The following PTPRD variants were observed in gnomAD, a reference collection of about 807,000 sequenced individuals.
The protein encoded by PTPRD is protein tyrosine phosphatase receptor type D, also known as receptor-type tyrosine-protein phosphatase delta.
PTPRD carries 34 observed loss-of-function variants against 214.5 expected under a neutral mutation model. The ratio of observed to expected loss-of-function variants is 0.16; its 90% CI spans 0.12 to 0.21. The LOEUF is 0.21. PTPRD is among the 10% of genes least tolerant of loss of function. The pLI, the probability that PTPRD is intolerant of heterozygous loss-of-function variation, is 1.00. For missense variants in PTPRD, 2,545 were observed against 2,398.7 expected, an observed-to-expected ratio of 1.06 and a Z score of -1.27; for synonymous variants, 1,128 against 845.7, an observed-to-expected ratio of 1.33 and a Z score of -5.79.
At chr9:9,826,021 T>C (rs1000650993) in intron 5 of PTPRD, among the ~76,000 whole-genome samples, 1 of 151,790 alleles carries the variant, frequency 6.6e-6, no homozygotes, top group Non-Finnish European at 1.5e-5. Flanking sequence ...AGCAGGAAAT[T>C]ATTCATGATC....
rs750547585 is a variant in PTPRD, at chr9:9,980,608, C to CAAAAAAA, written c.-471-42005_-471-41999dup. 1.2e-3 allele frequency among the ~76,000 whole-genome samples: 13 copies of CAAAAAAA among 11,290 alleles called. 4 individuals carry two copies. The highest frequency in any genetic ancestry group is 2.9e-3 in the African/African-American group (8 of 2,782). The allele number at this position is 11,290 out of a possible 152,430, so 7.4% of individuals were successfully genotyped here. ...TGGGTAACAGAGTGAGACACCTTGT[C>CAAAAAAA]AAAAAAAAACAAAAAAAAAAAAAAA... On this transcript the variant is annotated intron_variant, in intron 4 of 45. Coordinates refer to ENST00000381196, the MANE Select transcript of PTPRD (RefSeq NM_002839.4).
chr9:10,316,123 A>C (rs1853454), intron 3 of PTPRD, among the ~76,000 whole-genome samples: 4,514 of 148,096 alleles, frequency 0.03, 279 homozygotes, highest in Admixed American at 0.16. Flanking sequence ...CTATATATAT[A>C]TATATACATA....
At chr9:8,833,058 G>A (rs545211756) in intron 11 of PTPRD, among the ~76,000 whole-genome samples, 10 of 151,960 alleles carry the variant, frequency 6.6e-5, no homozygotes, top group Middle Eastern at 3.4e-3. Context: ...TTCTGTGTGC[G>A]ACCCAGAAAT....
intron 11 of PTPRD, among the ~76,000 whole-genome samples, chr9:8,885,301 C>A (rs919569558): frequency 3.9e-5 from 6 of 151,958 alleles, no homozygotes; most frequent in African/African-American, 1.4e-4. Context: ...TTTCCTGGGA[C>A]TAAGGGGTTT....
chr9:9,202,846 T>A (rs925190578), intron 9 of PTPRD, among the ~76,000 whole-genome samples: 3 of 152,142 alleles, frequency 2.0e-5, no homozygotes, highest in Non-Finnish European at 4.4e-5. Context: ...TACTTAAGAG[T>A]GCTTTTCTAA....
At chr9:9,069,648 T>C (rs1016107949) in intron 10 of PTPRD, among the ~76,000 whole-genome samples, 14 of 152,234 alleles carry the variant, frequency 9.2e-5, no homozygotes, top group Admixed American at 5.9e-4. Flanking sequence ...ATTTAGTTTC[T>C]TGTAGTGACC....
At chr9:8,719,020 T>C (rs968690521) in intron 12 of PTPRD, among the ~76,000 whole-genome samples, 3 of 152,196 alleles carry the variant, frequency 2.0e-5, no homozygotes, top group Admixed American at 1.3e-4. Flanking sequence ...TTTATTTGCC[T>C]TTATGAAACC....
intron 14 of PTPRD, among the ~76,000 whole-genome samples, chr9:8,534,601 C>A (rs760043713): frequency 6.7e-6 from 1 of 148,520 alleles, no homozygotes; most frequent in Non-Finnish European, 1.5e-5. Flanking sequence ...TAATATGCAG[C>A]GTATTTTTAA....
chr9:10,422,615 A>C (rs1045327275), intron 2 of PTPRD, among the ~76,000 whole-genome samples: 4 of 152,030 alleles, frequency 2.6e-5, no homozygotes, highest in East Asian at 1.9e-4. Flanking sequence ...AAGAAAAAAA[A>C]CAAACAACCC....
At chr9:10,068,264 G>T (rs2097919937) in intron 3 of PTPRD, among the ~76,000 whole-genome samples, 1 of 151,824 alleles carries the variant, frequency 6.6e-6, no homozygotes, top group Non-Finnish European at 1.5e-5. Flanking sequence ...ATGTGGAAAA[G>T]GTGGTGAAAA....
intron 8 of PTPRD, among the ~76,000 whole-genome samples, chr9:9,451,402 C>A (rs1269175837): frequency 6.6e-6 from 1 of 151,696 alleles, no homozygotes; most frequent in Non-Finnish European, 1.5e-5. Context: ...AACAAGAATT[C>A]ATGCAATTTT....
chr9:9,552,372 G>A (rs1301325533), intron 8 of PTPRD, among the ~76,000 whole-genome samples: 1 of 151,996 alleles, frequency 6.6e-6, no homozygotes, highest in Admixed American at 6.6e-5. Flanking sequence ...GTCATATTTT[G>A]AGACATTAGT....
intron 10 of PTPRD, among the ~76,000 whole-genome samples, chr9:9,020,702 GGTAA>G (rs1456920535): frequency 6.6e-6 from 1 of 152,076 alleles, no homozygotes; most frequent in Non-Finnish European, 1.5e-5. Context: ...TGTTAAGTTG[GGTAA>G]GTGTTTCTAG....
intron 4 of PTPRD, among the ~76,000 whole-genome samples, chr9:9,977,523 C>T (rs1192305872): frequency 3.3e-5 from 5 of 152,104 alleles, no homozygotes; most frequent in African/African-American, 1.2e-4. Flanking sequence ...TAGACATTAA[C>T]ACTATGAAAC....
At chr9:8,356,071 C>T (rs2076923096) in intron 39 of PTPRD, among the ~76,000 whole-genome samples, 2 of 152,116 alleles carry the variant, frequency 1.3e-5, no homozygotes, top group South Asian at 2.1e-4. Context: ...AAAGGAGAGA[C>T]CGCAAAGGGC....
chr9:10,405,298 A>T lies in PTPRD; in HGVS notation c.-599-64281T>A, dbSNP rs534836980. On this transcript the variant is annotated intron_variant, in intron 2 of 45. Transcript: ENST00000381196. ...CTTGGTTTGATTATGGCATTATAAC[A>T]AGTAAGTTTTTCGTTTAAAATAATT... 4.6e-5 allele frequency among the ~76,000 whole-genome samples: 7 copies of T among 151,830 alleles called. No individual in the cohort carries two copies. In the East Asian group the frequency reaches 7.8e-4, roughly 17 times the overall value.
At chr9:8,482,743 C>T (rs1037389296) in intron 30 of PTPRD, among the ~76,000 whole-genome samples, 1 of 152,082 alleles carries the variant, frequency 6.6e-6, no homozygotes, top group Non-Finnish European at 1.5e-5. Context: ...CTCTTGTATG[C>T]CTCCTTCTTC....
intron 11 of PTPRD, among the ~76,000 whole-genome samples, chr9:9,000,755 A>C (rs2154354776): frequency 6.6e-6 from 1 of 152,106 alleles, no homozygotes; most frequent in African/African-American, 2.4e-5. Flanking sequence ...GCCAAGCAGA[A>C]ATATCACATA....
At chr9:8,577,475 G>A (rs1273450381) in intron 14 of PTPRD, among the ~76,000 whole-genome samples, 4 of 152,134 alleles carry the variant, frequency 2.6e-5, no homozygotes, top group South Asian at 4.2e-4. Context: ...GGCTGGTCTG[G>A]AACTCCCGAC....
Sources: gnomAD v4.1 joint callset for allele counts (sites outside exome capture counted in the v4.1 genomes callset) on GRCh38, gnomAD v4.1.1 for gene constraint, MANE v1.5 for transcripts, NCBI Gene and HGNC (gene_info 2026-07-23, HGNC 2026-07-21) for gene names.